The following GLCCI1 variants were observed in gnomAD, a reference collection of about 807,000 sequenced individuals.
GLCCI1 encodes glucocorticoid induced 1.
GLCCI1 carries 24 observed loss-of-function variants against 52.2 expected under a neutral mutation model. The observed-to-expected ratio is 0.46, with a 90% CI of 0.33 to 0.65. The LOEUF is 0.65. Among genes scored for constraint, GLCCI1 ranks in the 30% least tolerant of loss-of-function variants. The probability of loss-of-function intolerance (pLI) is 0.02; values close to 1 mark genes in which losing one functional copy is unlikely to be tolerated. For missense variants in GLCCI1, 704 were observed against 701.5 expected (o/e 1.00, Z -0.04); for synonymous variants, 310 against 276.5 (o/e 1.12, Z -1.20).
chr7:8,024,449 T>C (rs142862560), intron 3 of GLCCI1, among the ~76,000 whole-genome samples: 1 of 152,202 alleles, frequency 6.6e-6, no homozygotes, highest in Non-Finnish European at 1.5e-5. Flanking sequence ...AAAAGTGAAC[T>C]TGTATTTTTA....
At chr7:8,063,468 C>G (rs765711228) in intron 5 of GLCCI1, among the ~76,000 whole-genome samples, 4 of 151,758 alleles carry the variant, frequency 2.6e-5, no homozygotes, top group Non-Finnish European at 4.4e-5. Context: ...TTTTAATAAC[C>G]GTTCTAACTG....
intron 2 of GLCCI1, among the ~76,000 whole-genome samples, chr7:8,016,923 C>T (rs1397540772): frequency 1.3e-5 from 2 of 152,084 alleles, no homozygotes; most frequent in African/African-American, 4.8e-5. Flanking sequence ...CAATTATGAA[C>T]ATTAGGTCTG....
At chr7:7,981,614 T>C (rs566652873) in intron 1 of GLCCI1, 23 of 205,386 alleles carry the variant, frequency 1.1e-4, no homozygotes, top group African/African-American at 1.4e-4. Flanking sequence ...TATGCTTTTA[T>C]TGAATTTGAA....
intron 7 of GLCCI1, among the ~76,000 whole-genome samples, chr7:8,085,228 C>A (rs138587577): frequency 6.6e-5 from 10 of 152,258 alleles, no homozygotes; most frequent in African/African-American, 2.4e-4. Context: ...TACAAAGACA[C>A]GTGGAAACTT....
intron 1 of GLCCI1, among the ~76,000 whole-genome samples, chr7:8,000,897 C>G (rs1583960333): frequency 6.6e-6 from 1 of 152,190 alleles, no homozygotes; most frequent in African/African-American, 2.4e-5. Context: ...CTTGGTATAT[C>G]TTCCTCCATC....
intron 1 of GLCCI1, among the ~76,000 whole-genome samples, chr7:7,972,861 G>A (rs1394279327): frequency 6.6e-6 from 1 of 152,062 alleles, no homozygotes; most frequent in Non-Finnish European, 1.5e-5. Context: ...ATAGAAATAC[G>A]TAAATTGCCA....
At chr7:8,044,572 TG>T (rs1327470186) in intron 3 of GLCCI1, among the ~76,000 whole-genome samples, 1 of 152,196 alleles carries the variant, frequency 6.6e-6, no homozygotes, top group African/African-American at 2.4e-5. Context: ...TTTTTCGGCA[TG>T]TTGCCCAGGC....
chr7:8,059,781 G>C, intron 4 of GLCCI1, among the ~76,000 whole-genome samples: 1 of 152,252 alleles, frequency 6.6e-6, no homozygotes, highest in East Asian at 1.9e-4. Flanking sequence ...TGCTGTTCCC[G>C]TGAAATAGAA....
chr7:7,982,877 TTGTC>T (rs766457798), intron 1 of GLCCI1, among the ~76,000 whole-genome samples: 10 of 152,286 alleles, frequency 6.6e-5, no homozygotes, highest in South Asian at 4.1e-4. Context: ...GCTGTGAACA[TTGTC>T]TGTCTAGGAG....
In GLCCI1 at chr7:8,088,236, A is replaced by G. The variant is rs1562456741; in HGVS notation, c.*1698A>G. On this transcript the variant is annotated 3_prime_UTR_variant, in exon 8 of 8. Coordinates refer to ENST00000223145, the MANE Select transcript of GLCCI1 (RefSeq NM_138426.4). ...TTTAAGAAATGATATATATATGTAT[A>G]TGTTTGTGTGTGTGTGTGTGTGTGT... The G allele has an allele frequency of 1.1e-5, 1 of 89,324 alleles. No homozygotes were observed. The highest frequency in any genetic ancestry group is 3.0e-4 in the East Asian group (1 of 3,292). 5.5% of individuals were successfully genotyped at this position (89,324 alleles called of 1,614,324 possible).
chr7:7,996,755 G>C (rs148616995), intron 1 of GLCCI1, among the ~76,000 whole-genome samples: 19 of 152,266 alleles, frequency 1.2e-4, no homozygotes, highest in African/African-American at 4.1e-4. Context: ...TGTTTCTCTT[G>C]TCAGCTTCTT....
chr7:8,025,138 T>C (rs1413779444), intron 3 of GLCCI1, among the ~76,000 whole-genome samples: 1 of 152,014 alleles, frequency 6.6e-6, no homozygotes, highest in East Asian at 1.9e-4. Context: ...ATATCCCAGG[T>C]TGAGTGGAGG....
chr7:8,044,075 G>C (rs866159415), intron 3 of GLCCI1, among the ~76,000 whole-genome samples: 19 of 151,808 alleles, frequency 1.3e-4, no homozygotes, highest in African/African-American at 3.6e-4. Context: ...CTCCCGAGTA[G>C]CTGGGACTAC....
At chr7:8,035,116 T>C (rs574750515) in intron 3 of GLCCI1, among the ~76,000 whole-genome samples, 2 of 152,262 alleles carry the variant, frequency 1.3e-5, no homozygotes, top group Non-Finnish European at 1.5e-5. Flanking sequence ...AGCAGCCACA[T>C]AGTGCTGGCT....
chr7:8,086,078 A>G lies in GLCCI1; in HGVS notation c.1299-115A>G, dbSNP rs1156372496. Reference sequence around the variant, plus strand: ...ATGTTTACCCCTCTGTATACACTTAACCCATCTCCTGCCATTTACATTTTA... The same window carrying G: ...ATGTTTACCCCTCTGTATACACTTAGCCCATCTCCTGCCATTTACATTTTA... On this transcript the variant is annotated intron_variant, in intron 7 of 7. Transcript: ENST00000223145. This position sits in a 1 kb window ranked among gnomAD's most constrained non-coding sequence, Gnocchi z 4.4. The G allele has an allele frequency of 5.9e-6, 5 of 840,496 alleles. No homozygotes were observed. Among genetic ancestry groups the G allele is most frequent in the Non-Finnish European group, 9.4e-6 (5 of 533,666 alleles). 52.1% of individuals were successfully genotyped at this position (840,496 alleles called of 1,614,324 possible). A position where few individuals can be genotyped will look rare whatever the true frequency, so the allele number is the denominator to read the frequency against.
At chr7:8,012,570 G>A (rs994940034) in intron 2 of GLCCI1, among the ~76,000 whole-genome samples, 38 of 147,686 alleles carry the variant, frequency 2.6e-4, no homozygotes, top group African/African-American at 9.2e-4. Context: ...TCAGCCTCCC[G>A]AGTAGCTGGG....
intron 2 of GLCCI1, among the ~76,000 whole-genome samples, chr7:8,008,182 C>G (rs1781194737): frequency 6.6e-6 from 1 of 151,906 alleles, no homozygotes; most frequent in South Asian, 2.1e-4. Context: ...GAAGTTGTTT[C>G]TTGTAACTGA....
At chr7:7,976,938 T>G (rs1259015237) in intron 1 of GLCCI1, among the ~76,000 whole-genome samples, 1 of 148,936 alleles carries the variant, frequency 6.7e-6, no homozygotes, top group Non-Finnish European at 1.5e-5. Flanking sequence ...AAAAAAAAAG[T>G]TAAGAAATCC....
chr7:8,064,847 A>G (rs1480796154), intron 5 of GLCCI1, among the ~76,000 whole-genome samples: 3 of 152,024 alleles, frequency 2.0e-5, no homozygotes, highest in Non-Finnish European at 4.4e-5. Flanking sequence ...AGCTGGCACT[A>G]CAAGCGTGTG....
Sources: gnomAD v4.1 joint callset for allele counts (sites outside exome capture counted in the v4.1 genomes callset) on GRCh38, gnomAD v4.1.1 for gene constraint, Gnocchi (gnomAD v3.1) non-coding constraint, MANE v1.5 for transcripts, NCBI Gene and HGNC (gene_info 2026-07-23, HGNC 2026-07-21) for gene names.